The following THSD7B variants were observed in gnomAD, a reference collection of about 807,000 sequenced individuals.
The protein encoded by THSD7B is thrombospondin type 1 domain containing 7B.
THSD7B carries 138 observed loss-of-function variants against 213.6 expected under a neutral mutation model. That is an observed-to-expected ratio of 0.65 (90% confidence interval 0.56 to 0.74). The LOEUF (loss-of-function observed/expected upper bound fraction) is 0.74. THSD7B is among the 30% of genes least tolerant of loss of function. THSD7B has a pLI of 0.00. For synonymous variants in THSD7B, 742 were observed against 687.0 expected (o/e 1.08, Z -1.25); for missense variants, 1,931 against 1,991.5 (o/e 0.97, Z 0.58).
chr2:137,506,845 A>C (rs1679849000), intron 15 of THSD7B, among the ~76,000 whole-genome samples: 1 of 152,198 alleles, frequency 6.6e-6, no homozygotes, highest in African/African-American at 2.4e-5. Context: ...TAATAGTAAA[A>C]ATATCTGAAT....
intron 10 of THSD7B, among the ~76,000 whole-genome samples, chr2:137,246,222 C>CT (rs530796025): frequency 6.4e-4 from 98 of 152,218 alleles, no homozygotes; most frequent in African/African-American, 2.3e-3. Context: ...AGAAGAACTC[C>CT]TTTTTTTGTT....
At chr2:136,766,770 G>C (rs768032921) in intron 1 of THSD7B, among the ~76,000 whole-genome samples, 2 of 152,160 alleles carry the variant, frequency 1.3e-5, no homozygotes, top group Non-Finnish European at 2.9e-5. Context: ...CATATTCTAC[G>C]GAAGATACCA....
chr2:137,290,110 C>CT lies in THSD7B; in HGVS notation c.2500+14104dup, dbSNP rs1244519702. On this transcript the variant is annotated intron_variant, in intron 12 of 27. Coordinates refer to ENST00000409968, the MANE Select transcript of THSD7B (RefSeq NM_001316349.2). ...TTACTTTTCAGCCCCAAAGAGTTTT[C>CT]TTTTTTTTTTTTTTTTTTTTAGATG... 9.2e-3 allele frequency among the ~76,000 whole-genome samples: 1,201 copies of CT among 130,800 alleles called. 17 individuals are homozygous for CT. Among genetic ancestry groups the CT allele is most frequent in the African/African-American group, 0.027 (965 of 35,696 alleles). 85.8% of individuals were successfully genotyped at this position (130,800 alleles called of 152,430 possible).
chr2:137,464,057 G>A (rs1256005210), intron 15 of THSD7B, among the ~76,000 whole-genome samples: 3 of 151,980 alleles, frequency 2.0e-5, no homozygotes, highest in Non-Finnish European at 4.4e-5. Context: ...TAGACCATAG[G>A]AATATAGATA....
intron 2 of THSD7B, among the ~76,000 whole-genome samples, chr2:136,978,154 C>G (rs1214053822): frequency 6.6e-6 from 1 of 152,124 alleles, no homozygotes; most frequent in Non-Finnish European, 1.5e-5. Flanking sequence ...GTCTAACAAA[C>G]TGTTTGTTAT....
chr2:137,339,054 G>A (rs1029647153), intron 12 of THSD7B, among the ~76,000 whole-genome samples: 3 of 152,054 alleles, frequency 2.0e-5, no homozygotes, highest in African/African-American at 7.2e-5. Flanking sequence ...ACATAAAGAA[G>A]TAGGAGCCTA....
At chr2:137,640,092 C>G (rs919475116) in intron 20 of THSD7B, among the ~76,000 whole-genome samples, 14 of 151,976 alleles carry the variant, frequency 9.2e-5, no homozygotes, top group African/African-American at 3.4e-4. Context: ...TGGCTGTGTC[C>G]CCACCCAAAT....
chr2:137,395,606 A>G (rs1002572829), intron 12 of THSD7B, among the ~76,000 whole-genome samples: 2 of 152,108 alleles, frequency 1.3e-5, no homozygotes, highest in African/African-American at 4.8e-5. Flanking sequence ...TTCTTCAAGG[A>G]TATTGGTCTA....
chr2:137,542,627 A>C (rs1395309124), intron 15 of THSD7B, among the ~76,000 whole-genome samples: 1 of 151,744 alleles, frequency 6.6e-6, no homozygotes, highest in Non-Finnish European at 1.5e-5. Context: ...TCTCCAGGGT[A>C]TACCATATGT....
intron 2 of THSD7B, among the ~76,000 whole-genome samples, chr2:136,892,535 C>T (rs1484657566): frequency 6.6e-6 from 1 of 151,788 alleles, no homozygotes; most frequent in African/African-American, 2.4e-5. Flanking sequence ...GAGTGGGTCT[C>T]GGTGGAGATG....
At chr2:137,145,018 A>G (rs1254719541) in intron 5 of THSD7B, among the ~76,000 whole-genome samples, 2 of 152,152 alleles carry the variant, frequency 1.3e-5, no homozygotes, top group Middle Eastern at 3.4e-3. Flanking sequence ...ATTCATTGTA[A>G]GATTCAAGGA....
intron 2 of THSD7B, among the ~76,000 whole-genome samples, chr2:136,926,569 A>C (rs1396753943): frequency 1.3e-5 from 2 of 151,888 alleles, no homozygotes; most frequent in Non-Finnish European, 2.9e-5. Context: ...TGGTGCTTGC[A>C]TGTGGTCCCA....
chr2:137,462,584 A>G (rs1687906143), intron 15 of THSD7B, among the ~76,000 whole-genome samples: 1 of 151,942 alleles, frequency 6.6e-6, no homozygotes, highest in Non-Finnish European at 1.5e-5. Flanking sequence ...CAAACAAACA[A>G]AACTTGAGCC....
chr2:137,024,029 A>T (rs1686497676), intron 2 of THSD7B, among the ~76,000 whole-genome samples: 1 of 152,098 alleles, frequency 6.6e-6, no homozygotes, highest in Non-Finnish European at 1.5e-5. Flanking sequence ...GTTACGGAAA[A>T]GGCCATTGAT....
At chr2:137,043,235 G>A (rs184933297) in intron 2 of THSD7B, among the ~76,000 whole-genome samples, 86 of 152,100 alleles carry the variant, frequency 5.7e-4, no homozygotes, top group African/African-American at 2.0e-3. Context: ...CCTTCCTACC[G>A]CCAGGGTCCC....
intron 1 of THSD7B, among the ~76,000 whole-genome samples, chr2:136,766,986 G>A (rs200577989): frequency 1.1e-5 from 1 of 89,318 alleles, no homozygotes; most frequent in Admixed American, 1.2e-4. Context: ...GTGTGTGTTT[G>A]TGTGTGTGTG....
chr2:137,176,472 TG>T (rs1680358860), intron 7 of THSD7B, among the ~76,000 whole-genome samples: 3 of 152,200 alleles, frequency 2.0e-5, no homozygotes, highest in Non-Finnish European at 1.5e-5. Context: ...GCCACCTGTT[TG>T]GAAGAATCGA....
chr2:137,048,146 A>T lies in THSD7B; in HGVS notation c.140-8274A>T, dbSNP rs117972272. On this transcript the variant is annotated intron_variant, in intron 2 of 27. Coordinates refer to ENST00000409968, the MANE Select transcript of THSD7B (RefSeq NM_001316349.2). The stretch of plus-strand genomic sequence containing the variant: ...ATTGTTCAATTCCCACTTATGAGTG[A>T]GAACAGTTTGTTTCATGGTTATATG... Among the ~76,000 whole-genome samples, 115 of 152,014 alleles carry T rather than the reference A, an allele frequency of 7.6e-4. 2 individuals carry two copies. In the East Asian group the frequency reaches 0.015, roughly 19 times the overall value.
At chr2:137,515,136 A>T (rs1244794869) in intron 15 of THSD7B, among the ~76,000 whole-genome samples, 5 of 152,178 alleles carry the variant, frequency 3.3e-5, no homozygotes, top group Non-Finnish European at 7.3e-5. Flanking sequence ...AAGTGAGGAC[A>T]TTGACTGGAA....
Sources: gnomAD v4.1 joint callset for allele counts (sites outside exome capture counted in the v4.1 genomes callset) on GRCh38, gnomAD v4.1.1 for gene constraint, MANE v1.5 for transcripts, NCBI Gene and HGNC (gene_info 2026-07-23, HGNC 2026-07-21) for gene names.